TEX29: variants seen among roughly 807,000 people sequenced by gnomAD.
TEX29 encodes the protein testis expressed 29, also known as testis-expressed protein 29.
TEX29 carries 26 observed loss-of-function variants against 18.2 expected under a neutral mutation model. The observed-to-expected ratio is 1.43, with a 90% CI of 1.04 to 1.98. The LOEUF is 1.98. TEX29 is among the 30% of genes most tolerant of loss of function. TEX29 has a pLI of 0.00. For missense variants in TEX29, 177 were observed against 194.2 expected, an observed-to-expected ratio of 0.91 and a Z score of 0.53; for synonymous variants, 83 against 78.5, an observed-to-expected ratio of 1.06 and a Z score of -0.31.
chr13:111,329,009 T>A (rs755128014), intron 3 of TEX29, among the ~76,000 whole-genome samples: 18 of 152,318 alleles, frequency 1.2e-4, no homozygotes, highest in Non-Finnish European at 2.1e-4. Context: ...GTGAAGGGCG[T>A]TGGGCTCCCA....
intron 2 of TEX29, among the ~76,000 whole-genome samples, chr13:111,322,823 T>C (rs1756480184): frequency 6.6e-6 from 1 of 152,052 alleles, no homozygotes; most frequent in Non-Finnish European, 1.5e-5. Context: ...GTAGGGAGGC[T>C]GTGAAATGAC....
chr13:111,337,719 GGGA>G (rs764786700), intron 3 of TEX29, among the ~76,000 whole-genome samples: 2 of 152,014 alleles, frequency 1.3e-5, no homozygotes, highest in African/African-American at 4.8e-5. Flanking sequence ...AAGTTTCCAC[GGGA>G]CAGTCCTCAC....
chr13:111,323,329 G>C (rs973172439), intron 2 of TEX29, among the ~76,000 whole-genome samples: 1 of 152,222 alleles, frequency 6.6e-6, no homozygotes, highest in South Asian at 2.1e-4. Flanking sequence ...ATGGGAGGAT[G>C]ACAGGTGGCC....
chr13:111,326,855 G>T, intron 2 of TEX29, among the ~76,000 whole-genome samples: 1 of 152,260 alleles, frequency 6.6e-6, no homozygotes, highest in East Asian at 1.9e-4. Flanking sequence ...TGTCCACCCT[G>T]GAATTGCACT....
chr13:111,322,315 G>A (rs2153641180), intron 2 of TEX29, among the ~76,000 whole-genome samples: 1 of 151,766 alleles, frequency 6.6e-6, no homozygotes, highest in East Asian at 1.9e-4. Flanking sequence ...GGCCGCTCTT[G>A]TGGACGGCTG....
At position 111,342,576 on chromosome 13, in the gene TEX29, A is replaced by AAAG. The variant is rs1555412713; in HGVS notation, c.240-179_240-178insAGA. Among the ~76,000 whole-genome samples the AAAG allele has an allele frequency of 7.2e-3, 1,084 of 149,720 alleles. 23 individuals carry two copies. The highest frequency in any genetic ancestry group is 0.025 in the African/African-American group (1,015 of 39,942). On this transcript the variant is annotated intron_variant, in intron 4 of 5. Transcript: ENST00000283547. ...CTGTCTCAAAAAAAAAAAAAAAAAA[A>AAAG]AGAGAGAGAGAAAGAAACGAAAATG...
chr13:111,332,069 A>G (rs2153641731), intron 3 of TEX29, among the ~76,000 whole-genome samples: 1 of 152,228 alleles, frequency 6.6e-6, no homozygotes, highest in East Asian at 1.9e-4. Flanking sequence ...TAGCTTGTCA[A>G]TTTCTGCAGA....
chr13:111,342,046 G>A (rs941595756), intron 4 of TEX29, among the ~76,000 whole-genome samples: 1 of 152,186 alleles, frequency 6.6e-6, no homozygotes, highest in Non-Finnish European at 1.5e-5. Context: ...TCTCAGAGAT[G>A]AGTCCACTCC....
chr13:111,328,750 G>A (rs12874048), intron 3 of TEX29, among the ~76,000 whole-genome samples: 10 of 152,142 alleles, frequency 6.6e-5, no homozygotes, highest in African/African-American at 1.4e-4. Flanking sequence ...TGGGGATTCC[G>A]TGGGCTGCTT....
At chr13:111,325,455 A>G (rs1171474288) in intron 2 of TEX29, among the ~76,000 whole-genome samples, 3 of 152,164 alleles carry the variant, frequency 2.0e-5, no homozygotes, top group African/African-American at 7.2e-5. Context: ...GGGAGCAGGG[A>G]GCTGCATCAG....
intron 3 of TEX29, among the ~76,000 whole-genome samples, chr13:111,336,977 A>G (rs575519367): frequency 9.2e-5 from 14 of 152,224 alleles, no homozygotes; most frequent in Non-Finnish European, 1.8e-4. Flanking sequence ...CTTCACTCAC[A>G]TAATTTTGAA....
chr13:111,318,731 G>T (rs2093658793), upstream of TEX29, among the ~76,000 whole-genome samples: 1 of 152,210 alleles, frequency 6.6e-6, no homozygotes, highest in African/African-American at 2.4e-5. Flanking sequence ...CAGTGTCTCT[G>T]CCTGGGAGCC....
At chr13:111,329,037 C>T (rs1031059159) in intron 3 of TEX29, among the ~76,000 whole-genome samples, 9 of 152,250 alleles carry the variant, frequency 5.9e-5, no homozygotes, top group South Asian at 2.1e-4. Flanking sequence ...AGCATATTCT[C>T]GCCTGTGAGT....
upstream of TEX29, among the ~76,000 whole-genome samples, chr13:111,317,120 A>G (rs1005401674): frequency 2.0e-5 from 3 of 152,148 alleles, no homozygotes; most frequent in East Asian, 5.8e-4. Context: ...TTTAGATGCA[A>G]TATTTAATTA....
intron 2 of TEX29, among the ~76,000 whole-genome samples, chr13:111,325,513 C>G (rs1417531125): frequency 1.3e-5 from 2 of 152,232 alleles, no homozygotes; most frequent in Non-Finnish European, 2.9e-5. Flanking sequence ...GCCCCCTTGG[C>G]AGCTGTGACC....
chr13:111,336,187 A>G (rs1043957830), intron 3 of TEX29, among the ~76,000 whole-genome samples: 2 of 152,144 alleles, frequency 1.3e-5, no homozygotes, highest in Non-Finnish European at 2.9e-5. Context: ...TCTAACTTTA[A>G]CAGCTGGGTT....
intron 2 of TEX29, among the ~76,000 whole-genome samples, chr13:111,325,341 T>C (rs1262600262): frequency 6.6e-6 from 1 of 152,162 alleles, no homozygotes; most frequent in African/African-American, 2.4e-5. Context: ...GTCCTGGCTG[T>C]GGTGTGGGGG....
chr13:111,323,965 T>C (rs1385262568), intron 2 of TEX29, among the ~76,000 whole-genome samples: 2 of 152,218 alleles, frequency 1.3e-5, no homozygotes, highest in East Asian at 3.8e-4. Context: ...TCAAGCTCAG[T>C]GTCAAGAAAA....
Position 111,328,231 on chromosome 13 carries a change from A to T in TEX29, c.107A>T (p.Asp36Val). The T allele has an allele frequency of 1.9e-6, 3 of 1,613,920 alleles. No homozygotes were observed. Among genetic ancestry groups the T allele is most frequent in the Non-Finnish European group, 2.5e-6 (3 of 1,179,964 alleles). Residue 36 changes from aspartate to valine, a missense_variant, in exon 3 of 6, where the codon GAC (aspartate) becomes GTC (valine). Asp to Val is a radical substitution (Grantham distance 152). Transcript: ENST00000283547. ...YDICDYNVSRDRCQELGCCFY... is the reference protein window; with the variant it reads ...YDICDYNVSRVRCQELGCCFY... ...ATTTGTGACTACAACGTCTCCAGGG[A>T]CCGATGCCAGGAGCTCGGGTGCTGC...
Sources: allele counts gnomAD v4.1 joint callset (sites outside exome capture counted in the v4.1 genomes callset), GRCh38; gene constraint gnomAD v4.1.1; transcripts MANE v1.5; gene names NCBI Gene and HGNC (gene_info 2026-07-23, HGNC 2026-07-21).